RBM28: variants seen among roughly 807,000 people sequenced by gnomAD.
The protein encoded by RBM28 is RNA binding motif protein 28, also known as RNA-binding protein 28.
RBM28 carries 78 observed loss-of-function variants against 98.3 expected under a neutral mutation model. The observed-to-expected ratio is 0.79, with a 90% CI of 0.66 to 0.96. RBM28 has a LOEUF of 0.96. Among genes scored for constraint, RBM28 ranks in the 40% least tolerant of loss-of-function variants. The pLI is 0.00. For synonymous variants in RBM28, 306 were observed against 330.9 expected (o/e 0.92, Z 0.82); for missense variants, 838 against 913.0 (o/e 0.92, Z 1.06).
rs1233588503 is a variant in RBM28, at chr7:128,307,277, T to C, written c.*3520A>G. On this transcript the variant is annotated 3_prime_UTR_variant, in exon 19 of 19. Coordinates refer to ENST00000223073, the MANE Select transcript of RBM28 (RefSeq NM_018077.3). ...CACTTCACAGTGGGTCACATGAATA[T>C]GAAGCAGAGAACTGGCTGTGTGCGT... The C allele has an allele frequency of 6.6e-6, 1 of 152,196 alleles. No homozygotes were observed. The highest frequency in any genetic ancestry group is 6.5e-5 in the Admixed American group (1 of 15,280). 9.4% of individuals were successfully genotyped at this position (152,196 alleles called of 1,614,324 possible). A position where few individuals can be genotyped will look rare whatever the true frequency, so the allele number is the denominator to read the frequency against.
intron 10 of RBM28, among the ~76,000 whole-genome samples, chr7:128,329,163 G>T (rs529671968): frequency 6.6e-6 from 1 of 151,982 alleles, no homozygotes; most frequent in Non-Finnish European, 1.5e-5. Flanking sequence ...GCAGTGGCAC[G>T]ATCTCGGCTC....
At chr7:128,315,633 G>T (rs1359034096) in intron 16 of RBM28, among the ~76,000 whole-genome samples, 5 of 152,110 alleles carry the variant, frequency 3.3e-5, no homozygotes, top group African/African-American at 9.7e-5. Flanking sequence ...GATTGAGAGA[G>T]ATTTCCAAGA....
Position 128,336,011 on chromosome 7 carries a change from C to G in RBM28, c.645G>C (p.Gln215His), listed in dbSNP as rs756610104. 5.0e-6 allele frequency: 8 copies of G among 1,611,572 alleles called. No homozygotes were observed. In the South Asian group the frequency reaches 8.8e-5, roughly 18 times the overall value. The change falls in exon 7 of 19, where the codon CAG becomes CAC. Residue 215 changes from glutamine (Q) to histidine (H), a missense_variant. Gln to His is a conservative substitution (Grantham distance 24). Coordinates refer to ENST00000223073, the MANE Select transcript of RBM28 (RefSeq NM_018077.3). ...CTCTGCCCTTCTTTTTAACTGATTC[C>G]TGATGTTTAGATTCATGGCTCTTTT... is the stretch of plus-strand genomic sequence containing the variant. Reference protein sequence around the residue: ...GEEKSHESKHQESVKKKGREE... With the variant: ...GEEKSHESKHHESVKKKGREE...
At chr7:128,317,033 G>A (rs1044664988) in intron 16 of RBM28, among the ~76,000 whole-genome samples, 3 of 152,214 alleles carry the variant, frequency 2.0e-5, no homozygotes, top group Non-Finnish European at 4.4e-5. Flanking sequence ...GTAAGAGAAT[G>A]AGTACTGACT....
intron 10 of RBM28, among the ~76,000 whole-genome samples, chr7:128,327,219 T>C (rs1201328642): frequency 1.3e-5 from 2 of 152,166 alleles, no homozygotes; most frequent in South Asian, 2.1e-4. Flanking sequence ...GCATCACTTA[T>C]GAAGTACCTA....
intron 17 of RBM28, among the ~76,000 whole-genome samples, chr7:128,313,663 G>A (rs758034696): frequency 6.6e-6 from 1 of 152,190 alleles, no homozygotes; most frequent in African/African-American, 2.4e-5. Context: ...CAAATCTCAC[G>A]TTGAATTGTA....
intron 17 of RBM28, among the ~76,000 whole-genome samples, chr7:128,314,467 C>T (rs1049188815): frequency 5.9e-5 from 9 of 152,346 alleles, no homozygotes; most frequent in African/African-American, 2.2e-4. Flanking sequence ...GAAACTACAA[C>T]TGAACCTCAA....
In RBM28 at chr7:128,298,009, G is replaced by A. The variant is rs1216944176; in HGVS notation, c.*12788C>T. 3.8e-5 allele frequency: 4 copies of A among 105,344 alleles called. No homozygotes were observed. The highest frequency in any genetic ancestry group is 6.6e-5 in the African/African-American group (2 of 30,150). 6.5% of individuals were successfully genotyped at this position (105,344 alleles called of 1,614,324 possible). A position where few individuals can be genotyped will look rare whatever the true frequency, so the allele number is the denominator to read the frequency against. Reference sequence around the variant, plus strand: ...TTGAGGGGTGGGGGGAGGGGGGAGGGATAGCATTGGGAGATATACCTAATG... The same window carrying A: ...TTGAGGGGTGGGGGGAGGGGGGAGGAATAGCATTGGGAGATATACCTAATG... On this transcript the variant is annotated 3_prime_UTR_variant, in exon 19 of 19. Coordinates refer to ENST00000223073, the MANE Select transcript of RBM28 (RefSeq NM_018077.3).
At position 128,318,191 on chromosome 7, in the gene RBM28, A is replaced by G. The variant is rs1323815820; in HGVS notation, c.1564-85T>C. The G allele has an allele frequency of 2.2e-6, 3 of 1,379,070 alleles. No homozygotes were observed. The East Asian group carries it at 7.2e-5, about 33-fold the overall frequency. The allele number at this position is 1,379,070 out of a possible 1,614,324, so 85.4% of individuals were successfully genotyped here. A position where few individuals can be genotyped will look rare whatever the true frequency, so the allele number is the denominator to read the frequency against. ...AACTGCTTTAATAGAGTCAATAAGA[A>G]ATCAGGCTATTGGGTGGGCATGGTG... On this transcript the variant is annotated intron_variant, in intron 14 of 18. Coordinates refer to ENST00000223073, the MANE Select transcript of RBM28 (RefSeq NM_018077.3).
Position 128,338,288 on chromosome 7 carries a change from C to A in RBM28, c.503G>T (p.Gly168Val), listed in dbSNP as rs1796645719. The change falls in exon 5 of 19, where the codon GGT (glycine) becomes GTT (valine). Residue 168 changes from glycine (G) to valine (V), a missense_variant. Gly to Val is a moderately radical substitution (Grantham distance 109). Coordinates refer to ENST00000223073, the MANE Select transcript of RBM28 (RefSeq NM_018077.3). Reference protein sequence around the residue: ...FVQFKNLLEAGKALKGMNMKE... With the variant: ...FVQFKNLLEAVKALKGMNMKE... Reference sequence around the variant, plus strand: ...CATGTTCATGCCTTTGAGAGCTTTACCTGCTTCTAGGAGGTTTTTGAACTG... The same window carrying A: ...CATGTTCATGCCTTTGAGAGCTTTAACTGCTTCTAGGAGGTTTTTGAACTG... 6.2e-7 allele frequency: 1 copy of A among 1,614,180 alleles called. No individual in the cohort carries two copies. The highest frequency in any genetic ancestry group is 1.1e-5 in the South Asian group (1 of 91,084).
intron 11 of RBM28, 60 bp downstream of exon 11, chr7:128,325,758 G>T: frequency 8.8e-7 from 1 of 1,131,488 alleles, no homozygotes; most frequent in Non-Finnish European, 1.3e-6. Context: ...AATACCAGAT[G>T]TTGCCCCTAA....
chr7:128,334,203 T>A (rs1047925704), intron 8 of RBM28, among the ~76,000 whole-genome samples: 1 of 152,224 alleles, frequency 6.6e-6, no homozygotes, highest in African/African-American at 2.4e-5. Flanking sequence ...AGCTTATACA[T>A]ACAAAGAAAA....
In RBM28 at chr7:128,326,055, G is replaced by A. The variant is rs544390973; in HGVS notation, c.1130-164C>T. Among the ~76,000 whole-genome samples, 18 of 152,162 alleles carry A rather than the reference G, an allele frequency of 1.2e-4. No homozygotes were observed. In the East Asian group the frequency reaches 3.1e-3, roughly 26 times the overall value. ...TGCAGTGGCTCACACCTGTAATCCC[G>A]GCACTTTGGGAGGCCGATGCGGGCA... On this transcript the variant is annotated intron_variant, in intron 10 of 18. Transcript: ENST00000223073.
chr7:128,318,345 T>C (rs1471203790), intron 14 of RBM28, among the ~76,000 whole-genome samples: 1 of 151,754 alleles, frequency 6.6e-6, no homozygotes, highest in African/African-American at 2.4e-5. Flanking sequence ...AATTAGCCAG[T>C]GTGGTGGCAC....
Position 128,339,762 on chromosome 7 carries a change from C to T in RBM28, c.148G>A (p.Val50Ile). 2 of 1,614,098 alleles carry T rather than the reference C, an allele frequency of 1.2e-6. No homozygotes were observed. The highest frequency in any genetic ancestry group is 1.7e-6 in the Non-Finnish European group (2 of 1,179,994). ...ACATCTTCCAGCATTGAAAAAGTGA[C>T]ATAGCCAAAGCCTCGACATGCCTTA... ...GSKACRGFGY[V>I]TFSMLEDVQR... is the part of the protein sequence containing the mutation. The change falls in exon 2 of 19, where the codon GTC (valine) becomes ATC (isoleucine). Residue 50 changes from valine to isoleucine, a missense_variant. Physicochemically the swap from Val to Ile is conservative, Grantham distance 29 (BLOSUM62 3). Transcript: ENST00000223073.
chr7:128,324,223 A>T (rs79340189), intron 12 of RBM28, among the ~76,000 whole-genome samples: 2 of 152,218 alleles, frequency 1.3e-5, no homozygotes, highest in East Asian at 3.8e-4. Flanking sequence ...AATCCAAAAG[A>T]GTAATTTTAG....
chr7:128,317,686 C>T lies in RBM28; in HGVS notation c.1761G>A (p.Met587Ile), dbSNP rs1389630635. The T allele has an allele frequency of 6.2e-7, 1 of 1,608,830 alleles. No individual in the cohort carries two copies. The highest frequency in any genetic ancestry group is 8.5e-7 in the Non-Finnish European group (1 of 1,175,202). The change falls in exon 16 of 19, where the codon ATG (methionine) becomes ATA (isoleucine). Residue 587 changes from methionine to isoleucine, a missense_variant. By Grantham distance (10) the Met-to-Ile change is conservative (BLOSUM62 1). Transcript: ENST00000223073. ...AGCTGCGCTGGATCCTTAATTCCTT[C>T]ATTTTAAGTTTTCTTCGATCTTCTA... ...FSLEDRRKLKMKELRIQRSLQ... is the reference protein window; with the variant it reads ...FSLEDRRKLKIKELRIQRSLQ...
Position 128,339,304 on chromosome 7 carries a change from T to C in RBM28, c.295A>G (p.Lys99Glu), listed in dbSNP as rs1161755029. Residue 99 changes from lysine (K) to glutamate (E), a missense_variant, in exon 3 of 19, where the codon AAG becomes GAG. Physicochemically the swap from Lys to Glu is moderately conservative, Grantham distance 56. Transcript: ENST00000223073. ...KGKNENSECP[K>E]KEPKAKKAKV... ...GCTTTTTTAGCCTTCGGCTCCTTCT[T>C]TGGGCACTCTGAGTTTTCTAAAAAA... is the stretch of plus-strand genomic sequence containing the variant. The C allele has an allele frequency of 1.9e-6, 3 of 1,612,144 alleles. No individual in the cohort carries two copies. The highest frequency in any genetic ancestry group is 1.1e-5 in the South Asian group (1 of 90,998).
Position 128,310,412 on chromosome 7 carries a change from C to A in RBM28, c.*385G>T. On this transcript the variant is annotated 3_prime_UTR_variant, in exon 19 of 19. Coordinates refer to ENST00000223073, the MANE Select transcript of RBM28 (RefSeq NM_018077.3). The stretch of plus-strand genomic sequence containing the variant: ...AGAAATGACGTTGTTACTAAAAAGC[C>A]ACACAATATCTCATTTAGAGAATAT... The A allele has an allele frequency of 1.1e-5, 3 of 279,592 alleles. No homozygotes were observed. The highest frequency in any genetic ancestry group is 1.4e-5 in the Non-Finnish European group (2 of 144,536). The allele number at this position is 279,592 out of a possible 1,614,324, so 17.3% of individuals were successfully genotyped here.
Sources: allele counts gnomAD v4.1 joint callset (sites outside exome capture counted in the v4.1 genomes callset), GRCh38; gene constraint gnomAD v4.1.1; transcripts MANE v1.5; gene names NCBI Gene and HGNC (gene_info 2026-07-23, HGNC 2026-07-21).